Variants in UPRT observed in about 807,000 individuals in gnomAD.
The protein encoded by UPRT is RP11-311P8.3.
A neutral mutation model predicts 22.6 loss-of-function variants in UPRT; 5 were observed. The observed-to-expected ratio is 0.22, with a 90% CI of 0.12 to 0.47. The LOEUF (loss-of-function observed/expected upper bound fraction) is 0.47, where lower values mean the gene tolerates loss of function less well. Ranked by LOEUF, UPRT falls within the 20% of genes least tolerant of loss-of-function variation. The probability of loss-of-function intolerance (pLI) is 0.99; values close to 1 mark genes in which losing one functional copy is unlikely to be tolerated. For missense variants in UPRT, 181 were observed against 239.9 expected, an observed-to-expected ratio of 0.75 and a Z score of 1.62; for synonymous variants, 77 against 87.7, an observed-to-expected ratio of 0.88 and a Z score of 0.68.
At chrX:75,273,392 A>G (rs2082618177), upstream of UPRT, among the ~76,000 whole-genome samples, 1 of 111,520 alleles carries the variant, frequency 9.0e-6, no homozygotes, top group African/African-American at 3.3e-5. Context: ...CTCAAAAATG[A>G]GCCGTAAGAA....
chrX:75,171,823 G>C (rs752026126), intron 4 of UPRT, among the ~76,000 whole-genome samples: 3 of 111,040 alleles, frequency 2.7e-5, no homozygotes, highest in Non-Finnish European at 5.7e-5. Context: ...GGCTTCCTGA[G>C]AGCCGAACTC....
Position 75,274,504 on chromosome X carries a change from G to A in UPRT, c.250G>A (p.Asp84Asn). ...CTCAGAGGGCAACAGTGGTAGTGGT[G>A]ACAGTAGCAGCTATGACGCACCAGC... is the stretch of plus-strand genomic sequence containing the variant. ...LNSEGNSGSG[D>N]SSSYDAPAGN... is the part of the protein sequence containing the mutation. Residue 84 changes from aspartate (D) to asparagine (N), a missense_variant, in exon 1 of 7, where the codon GAC (aspartate) becomes AAC (asparagine). Coordinates refer to ENST00000373383, the MANE Select transcript of UPRT (RefSeq NM_145052.4). 8.3e-7 allele frequency: 1 copy of A among 1,211,844 alleles called. No individual in the cohort carries two copies. Among genetic ancestry groups the A allele is most frequent in the South Asian group, 1.8e-5 (1 of 56,963 alleles).
upstream of UPRT, among the ~76,000 whole-genome samples, chrX:75,270,567 A>T (rs903884994): frequency 1.4e-4 from 16 of 112,111 alleles, no homozygotes; most frequent in African/African-American, 4.9e-4. Context: ...ATGGATTACC[A>T]TGCAGCTATA....
chrX:75,251,963 AG>A (rs1238363036), intron 4 of UPRT, among the ~76,000 whole-genome samples: 1 of 112,002 alleles, frequency 8.9e-6, no homozygotes, highest in Non-Finnish European at 1.9e-5. Flanking sequence ...CAATGGGGAA[AG>A]GATTCCCTAT....
In UPRT at chrX:75,250,285, A is replaced by G. The variant is rs1305138155; in HGVS notation, c.-446-40739A>G. Among the ~76,000 whole-genome samples the G allele has an allele frequency of 4.5e-5, 5 of 110,212 alleles. No homozygotes were observed. The East Asian group carries it at 1.1e-3, about 25-fold the overall frequency. ...ATGAATTCAGGAGCTGGTTTTTTGA[A>G]AAGATCAACAAAATTGATAGACCAC... On this transcript the variant is annotated intron_variant, in intron 4 of 13. Transcript: ENST00000652605.
intron 1 of UPRT, among the ~76,000 whole-genome samples, chrX:75,289,779 C>T (rs2082698782): frequency 9.0e-6 from 1 of 111,593 alleles, no homozygotes. Context: ...GAAACTGGAC[C>T]CCCACTTTTC....
At chrX:75,256,586 T>C (rs774459704) in intron 4 of UPRT, among the ~76,000 whole-genome samples, 1 of 111,537 alleles carries the variant, frequency 9.0e-6, no homozygotes, top group African/African-American at 3.2e-5. Flanking sequence ...AAAAGCTGGT[T>C]CTTTGACAAG....
At chrX:75,203,871 C>G (rs1439777944) in intron 4 of UPRT, among the ~76,000 whole-genome samples, 1 of 111,566 alleles carries the variant, frequency 9.0e-6, no homozygotes, top group Admixed American at 9.5e-5. Flanking sequence ...GGTGGGGGGA[C>G]TTACAAAATG....
At chrX:75,170,217 A>G (rs1376389909) in intron 4 of UPRT, among the ~76,000 whole-genome samples, 1 of 110,132 alleles carries the variant, frequency 9.1e-6, no homozygotes, top group African/African-American at 3.3e-5. Context: ...TTGCATTTTT[A>G]GTAGAGACAG....
intron 4 of UPRT, chrX:75,202,890 C>A: frequency 8.9e-6 from 1 of 111,872 alleles, no homozygotes; most frequent in East Asian, 2.8e-4. Context: ...GAGACTGTAT[C>A]AACTAGTTTG....
At chrX:75,265,632 C>A (rs953053770) in intron 4 of UPRT, among the ~76,000 whole-genome samples, 1 of 111,792 alleles carries the variant, frequency 8.9e-6, no homozygotes, top group East Asian at 2.8e-4. Flanking sequence ...CAAACTTCCT[C>A]CTTTAGCCCG....
At chrX:75,192,334 G>T (rs1602447969) in intron 4 of UPRT, among the ~76,000 whole-genome samples, 1 of 61,897 alleles carries the variant, frequency 1.6e-5, no homozygotes, top group East Asian at 2.9e-4. Context: ...TGATTGACAT[G>T]ATTTCAGTTT....
At chrX:75,156,472 C>T (rs2082179751) in exon 1 of UPRT, 1 of 495,606 alleles carries the variant, frequency 2.0e-6, no homozygotes, top group African/African-American at 2.3e-5. Context: ...GTTTTCCTTA[C>T]ACAACCGGGA....
At chrX:75,258,290 A>G (rs1477300825) in intron 4 of UPRT, among the ~76,000 whole-genome samples, 2 of 102,223 alleles carry the variant, frequency 2.0e-5, no homozygotes, top group Non-Finnish European at 3.9e-5. Flanking sequence ...ACTCCCCTGG[A>G]AAGAGGGCTG....
At chrX:75,211,625 G>A (rs2082380457) in intron 4 of UPRT, among the ~76,000 whole-genome samples, 1 of 111,258 alleles carries the variant, frequency 9.0e-6, no homozygotes, top group South Asian at 3.9e-4. Flanking sequence ...GAGAAGATGA[G>A]AAAATGAGGG....
intron 4 of UPRT, among the ~76,000 whole-genome samples, chrX:75,241,760 G>A (rs1217036256): frequency 1.8e-5 from 2 of 111,722 alleles, no homozygotes; most frequent in Non-Finnish European, 3.8e-5. Context: ...ATGAATCAAT[G>A]GCATTCACAG....
rs933208924 is a variant in UPRT, at chrX:75,178,239, C to T, written c.-447+10360C>T. ...ACCCGTGTCTTTAGTCCGGCGGCTGCGCTAGTCGCTTTTAACTGGCCGACA... is the reference window on the plus strand; with the variant it reads ...ACCCGTGTCTTTAGTCCGGCGGCTGTGCTAGTCGCTTTTAACTGGCCGACA... On this transcript the variant is annotated intron_variant, in intron 4 of 13. Coordinates refer to the UPRT transcript ENST00000652605. Among the ~76,000 whole-genome samples, 12 of 112,182 alleles carry T rather than the reference C, an allele frequency of 1.1e-4. No individual in the cohort carries two copies. The East Asian group carries it at 1.7e-3, about 16-fold the overall frequency.
chrX:75,185,063 T>C (rs1032295363), intron 4 of UPRT, among the ~76,000 whole-genome samples: 1 of 111,419 alleles, frequency 9.0e-6, no homozygotes, highest in African/African-American at 3.3e-5. Flanking sequence ...CTATATTGAA[T>C]AGGAGTGGTG....
At chrX:75,289,368 G>T (rs1010137708) in intron 1 of UPRT, among the ~76,000 whole-genome samples, 1 of 110,592 alleles carries the variant, frequency 9.0e-6, no homozygotes, top group Non-Finnish European at 1.9e-5. Context: ...TGGTAAAATG[G>T]ATACACTGCC....
Sources: gnomAD v4.1 joint callset for allele counts (sites outside exome capture counted in the v4.1 genomes callset) on GRCh38, gnomAD v4.1.1 for gene constraint, MANE v1.5 for transcripts, NCBI Gene and HGNC (gene_info 2026-07-23, HGNC 2026-07-21) for gene names.